TMEM132D: variants seen among roughly 807,000 people sequenced by gnomAD.
TMEM132D encodes the protein mature OL transmembrane protein.
A neutral mutation model predicts 62.3 loss-of-function variants in TMEM132D; 21 were observed. That is an observed-to-expected ratio of 0.34 (90% CI 0.24 to 0.49). TMEM132D has a LOEUF of 0.49. Ranked by LOEUF, TMEM132D falls within the 20% of genes least tolerant of loss-of-function variation. The pLI, the probability that TMEM132D is intolerant of heterozygous loss-of-function variation, is 0.99. For synonymous variants in TMEM132D, 621 were observed against 575.6 expected (o/e 1.08, Z -1.13); for missense variants, 1,346 against 1,402.8 (o/e 0.96, Z 0.65).
intron 1 of TMEM132D, among the ~76,000 whole-genome samples, chr12:129,832,664 G>A (rs933672460): frequency 2.0e-5 from 3 of 152,180 alleles, no homozygotes; most frequent in South Asian, 2.1e-4. Flanking sequence ...CCCGGCAGGT[G>A]AAGGGCTGAG....
chr12:129,528,912 A>G (rs1415745198), intron 3 of TMEM132D, among the ~76,000 whole-genome samples: 1 of 152,204 alleles, frequency 6.6e-6, no homozygotes, highest in Non-Finnish European at 1.5e-5. Flanking sequence ...CCCTACCTCA[A>G]CACATTTGTC....
rs922301770 is a variant in TMEM132D, at chr12:129,395,127, A to T, written c.1116-57310T>A. 3.3e-5 allele frequency among the ~76,000 whole-genome samples: 5 copies of T among 152,334 alleles called. No individual in the cohort carries two copies. The East Asian group carries it at 9.6e-4, about 29-fold the overall frequency. ...TCCATCAGCAAATATAATGGGAGAC[A>T]CAAAAGAGAAATTAATTTTCATTAT... On this transcript the variant is annotated intron_variant, in intron 3 of 8. Coordinates refer to ENST00000422113, the MANE Select transcript of TMEM132D (RefSeq NM_133448.3).
intron 2 of TMEM132D, among the ~76,000 whole-genome samples, chr12:129,591,227 C>A (rs1878180453): frequency 6.6e-6 from 1 of 152,164 alleles, no homozygotes; most frequent in Non-Finnish European, 1.5e-5. Context: ...AATGGCATAT[C>A]CTCATCATGG....
chr12:129,831,392 G>T (rs906836142), intron 1 of TMEM132D, among the ~76,000 whole-genome samples: 2 of 152,180 alleles, frequency 1.3e-5, no homozygotes, highest in Non-Finnish European at 2.9e-5. Context: ...TCCATCACAA[G>T]GCGCAATGAT....
At chr12:129,406,805 A>T (rs1442316338) in intron 3 of TMEM132D, among the ~76,000 whole-genome samples, 1 of 152,170 alleles carries the variant, frequency 6.6e-6, no homozygotes, top group Non-Finnish European at 1.5e-5. Context: ...ACTCACTCTG[A>T]GCTGTGCAAG....
intron 5 of TMEM132D, among the ~76,000 whole-genome samples, chr12:129,181,446 T>C (rs1413283560): frequency 6.6e-6 from 1 of 152,196 alleles, no homozygotes; most frequent in Non-Finnish European, 1.5e-5. Context: ...CAGAGAGACT[T>C]TTCTGAAATG....
chr12:129,106,284 G>GGA (rs1294478539), intron 5 of TMEM132D, among the ~76,000 whole-genome samples: 1 of 121,312 alleles, frequency 8.2e-6, no homozygotes, highest in African/African-American at 3.4e-5. Context: ...GCGGAGGGGG[G>GGA]AGGGATAGCA....
At chr12:129,633,109 A>C (rs1879388010) in intron 2 of TMEM132D, among the ~76,000 whole-genome samples, 1 of 152,228 alleles carries the variant, frequency 6.6e-6, no homozygotes, top group African/African-American at 2.4e-5. Context: ...CAAAAGGAAC[A>C]AAAAACTCCA....
At chr12:129,452,131 T>C (rs1873309700) in intron 3 of TMEM132D, among the ~76,000 whole-genome samples, 1 of 152,226 alleles carries the variant, frequency 6.6e-6, no homozygotes, top group South Asian at 2.1e-4. Flanking sequence ...TCATGATAGA[T>C]GATACCTTTA....
chr12:129,236,116 G>C (rs12424359), intron 4 of TMEM132D, among the ~76,000 whole-genome samples: 48 of 109,902 alleles, frequency 4.4e-4, no homozygotes, highest in Non-Finnish European at 4.8e-4. Context: ...GTGTGTGTGT[G>C]TGTGTGTGTG....
chr12:129,502,102 C>G (rs1472447043), intron 3 of TMEM132D, among the ~76,000 whole-genome samples: 1 of 152,068 alleles, frequency 6.6e-6, no homozygotes, highest in African/African-American at 2.4e-5. Flanking sequence ...CGGGTTCACA[C>G]CATTCTCCTG....
chr12:129,851,542 C>G (rs557855673), intron 1 of TMEM132D, among the ~76,000 whole-genome samples: 3 of 152,252 alleles, frequency 2.0e-5, no homozygotes, highest in African/African-American at 7.2e-5. Context: ...TTTACTGCAG[C>G]ATGATTTGTA....
intron 4 of TMEM132D, among the ~76,000 whole-genome samples, chr12:129,235,989 T>G (rs531972364): frequency 6.8e-6 from 1 of 146,822 alleles, no homozygotes. Flanking sequence ...ACGTGGAATA[T>G]CTTTCTATTT....
chr12:129,370,087 T>C (rs1416822147), intron 3 of TMEM132D, among the ~76,000 whole-genome samples: 2 of 152,210 alleles, frequency 1.3e-5, no homozygotes, highest in Non-Finnish European at 2.9e-5. Flanking sequence ...TTCTGGTGTT[T>C]TTTCTCCAGG....
intron 4 of TMEM132D, among the ~76,000 whole-genome samples, chr12:129,313,692 G>T (rs1259972464): frequency 6.6e-6 from 1 of 151,920 alleles, no homozygotes; most frequent in African/African-American, 2.4e-5. Flanking sequence ...CATCTTTTTC[G>T]AATAATGACT....
chr12:129,375,281 C>T (rs1275775141), intron 3 of TMEM132D, among the ~76,000 whole-genome samples: 1 of 152,172 alleles, frequency 6.6e-6, no homozygotes, highest in Non-Finnish European at 1.5e-5. Flanking sequence ...GAACAATTTA[C>T]CAACAGCCCA....
At chr12:129,235,341 C>T (rs1460926782) in intron 4 of TMEM132D, among the ~76,000 whole-genome samples, 1 of 151,544 alleles carries the variant, frequency 6.6e-6, no homozygotes, top group East Asian at 1.9e-4. Flanking sequence ...TATTCCATCA[C>T]CTCAACAAAG....
At chr12:129,271,004 C>T (rs937978250) in intron 4 of TMEM132D, among the ~76,000 whole-genome samples, 6 of 152,184 alleles carry the variant, frequency 3.9e-5, no homozygotes, top group Admixed American at 3.9e-4. Context: ...ACGGCTGCCT[C>T]AAAGGCGTTA....
In TMEM132D at chr12:129,739,147, A is replaced by ACCGCC. The variant is rs1182916094; in HGVS notation, c.80-38450_80-38449insGGCGG. On this transcript the variant is annotated intron_variant, in intron 1 of 8. Transcript: ENST00000422113. ...CTAGCCCAGCTCACTCTTAGGCGGT[A>ACCGCC]TAGTGAGGAGGTGGGTGGGTTATGG... 1.8e-4 allele frequency among the ~76,000 whole-genome samples: 27 copies of ACCGCC among 152,282 alleles called. No individual in the cohort carries two copies. In the South Asian group the frequency reaches 4.8e-3, roughly 27 times the overall value.
Sources: gnomAD v4.1 joint callset for allele counts (sites outside exome capture counted in the v4.1 genomes callset) on GRCh38, gnomAD v4.1.1 for gene constraint, MANE v1.5 for transcripts, NCBI Gene and HGNC (gene_info 2026-07-23, HGNC 2026-07-21) for gene names.